TBX6: variants seen among roughly 807,000 people sequenced by gnomAD.
TBX6 encodes the protein T-box transcription factor TBX6.
Under a neutral mutation model 42.3 loss-of-function variants are expected in TBX6, and 29 were observed. The ratio of observed to expected loss-of-function variants is 0.69; its 90% confidence interval spans 0.51 to 0.93. The LOEUF (loss-of-function observed/expected upper bound fraction) is 0.93, where lower values mean the gene tolerates loss of function less well. Ranked by LOEUF, TBX6 falls within the 40% of genes least tolerant of loss-of-function variation. The pLI is 0.00. For synonymous variants in TBX6, 249 were observed against 245.1 expected (o/e 1.02, Z -0.15); for missense variants, 569 against 603.3 (o/e 0.94, Z 0.59).
Position 30,086,995 on chromosome 16 carries a change from A to C in TBX6, c.840-144T>G. On this transcript the variant is annotated intron_variant, in intron 6 of 8. Transcript: ENST00000395224. This position sits in a 1 kb window ranked among gnomAD's most constrained non-coding sequence, Gnocchi z 4.6. ...TTATACCCATTTTATAGATGAAGAAACTGAAGGCCAGAAAATTAAATAACT... is the reference window on the plus strand; with the variant it reads ...TTATACCCATTTTATAGATGAAGAACCTGAAGGCCAGAAAATTAAATAACT... 1 of 876,296 alleles carries C rather than the reference A, an allele frequency of 1.1e-6. No individual in the cohort carries two copies. The allele number at this position is 876,296 out of a possible 1,614,324, so 54.3% of individuals were successfully genotyped here. A position where few individuals can be genotyped will look rare whatever the true frequency, so the allele number is the denominator to read the frequency against.
Position 30,091,223 on chromosome 16 carries a change from CTGCTTAGGGCCCCCGG to C in TBX6, c.-46_-31del. 1 of 1,505,366 alleles carries C rather than the reference CTGCTTAGGGCCCCCGG, an allele frequency of 6.6e-7. No homozygotes were observed. The highest frequency in any genetic ancestry group is 2.3e-5 in the East Asian group (1 of 43,576). The allele number at this position is 1,505,366 out of a possible 1,614,324, so 93.3% of individuals were successfully genotyped here. On this transcript the variant is annotated splice_region_variant and 5_prime_UTR_variant, in exon 2 of 9. Coordinates refer to ENST00000395224, the MANE Select transcript of TBX6 (RefSeq NM_004608.4). ...TAGTTCCGTCTGGCCTCAGGTCTCG[CTGCTTAGGGCCCCCGG>C]TGCTGCGAGATGCCCCCTTTATAGC...
intron 1 of TBX6, 133 bp from the exon 2 acceptor site, chr16:30,091,374 G>T: frequency 1.7e-6 from 1 of 580,698 alleles, no homozygotes; most frequent in Non-Finnish European, 3.0e-6. Flanking sequence ...CCGAGAGGGG[G>T]TCGGATACCT....
At chr16:30,087,004 C>G in intron 6 of TBX6, 153 bp from the exon 7 acceptor site, 4 of 832,140 alleles carry the variant, frequency 4.8e-6, no homozygotes, top group Non-Finnish European at 7.3e-6. Context: ...AACTGAAGGC[C>G]AGAAAATTAA....
At chr16:30,089,291 A>G in intron 3 of TBX6, 81 bp from the exon 4 acceptor site, 2 of 1,523,694 alleles carry the variant, frequency 1.3e-6, no homozygotes, top group Non-Finnish European at 1.8e-6. Context: ...GGGACATAAC[A>G]ACGGGCTCCC....
chr16:30,091,137 G>T lies in TBX6; in HGVS notation c.57C>A (p.Pro19=). The T allele has an allele frequency of 6.3e-7, 1 of 1,594,086 alleles. No individual in the cohort carries two copies. The highest frequency in any genetic ancestry group is 2.3e-5 in the East Asian group (1 of 44,218). The change falls in exon 2 of 9, where the codon CCC becomes CCA. Residue 19 remains proline, a synonymous_variant. Transcript: ENST00000395224. ...PSLGAGYRLG[P]AQPGADSSFP... The stretch of plus-strand genomic sequence containing the variant: ...AGCTGGAGTCGGCCCCAGGTTGGGC[G>T]GGCCCCAGGCGGTAGCCGGCCCCCA...
intron 6 of TBX6, 161 bp from the exon 7 acceptor site, chr16:30,087,012 T>A: frequency 1.3e-6 from 1 of 778,442 alleles, no homozygotes; most frequent in South Asian, 1.8e-5. Context: ...GCCAGAAAAT[T>A]AAATAACTAG....
At chr16:30,090,328 C>A (rs912446731) in intron 3 of TBX6, among the ~76,000 whole-genome samples, 2 of 152,156 alleles carry the variant, frequency 1.3e-5, no homozygotes, top group Non-Finnish European at 2.9e-5. Flanking sequence ...TCTAGGGTGA[C>A]CCTGGACCTA....
At chr16:30,091,335 G>A in intron 1 of TBX6, 94 bp from the exon 2 acceptor site, 1 of 738,244 alleles carries the variant, frequency 1.4e-6, no homozygotes, top group Admixed American at 3.0e-5. Flanking sequence ...GTTGGGCTGG[G>A]GTGGAGACCC....
intron 3 of TBX6, among the ~76,000 whole-genome samples, chr16:30,089,451 T>C (rs1242960024): frequency 6.6e-6 from 1 of 151,496 alleles, no homozygotes; most frequent in East Asian, 1.9e-4. Flanking sequence ...CTGGGCAACA[T>C]AGAAAGACCC....
In TBX6 at chr16:30,088,648, C is replaced by T. The variant is rs577229010; in HGVS notation, c.769-33G>A. The T allele has an allele frequency of 1.1e-4, 177 of 1,614,060 alleles. 1 individual carries two copies. The South Asian group carries it at 1.4e-3, about 13-fold the overall frequency. On this transcript the variant is annotated intron_variant, in intron 5 of 8. Transcript: ENST00000395224. This position sits in a 1 kb window ranked among gnomAD's most constrained non-coding sequence, Gnocchi z 4.1. Reference sequence around the variant, plus strand: ...CACACATGCAGGGTCAAAGCAACTGCGGTCTGGGCAGGGGGCCACCACCCC... The same window carrying T: ...CACACATGCAGGGTCAAAGCAACTGTGGTCTGGGCAGGGGGCCACCACCCC...
rs537366325 is a variant in TBX6 at position 30,091,077 on chromosome 16, G to C, written c.117C>G (p.Pro39=). 7 of 1,584,422 alleles carry C rather than the reference G, an allele frequency of 4.4e-6. No individual in the cohort carries two copies. The highest frequency in any genetic ancestry group is 3.7e-5 in the Admixed American group (2 of 53,736). The part of the protein sequence containing the change: ...PPALAEGYRY[P]ELDTPKLDCF... ...CCAGGAGCTGGTCCCAACGCTCACC[G>C]GGGTAGCGGTAGCCCTCCGCTAGGG... is the stretch of plus-strand genomic sequence containing the variant. Residue 39 remains proline (P), a splice_region_variant and synonymous_variant, in exon 2 of 9, where the codon CCC becomes CCG. Coordinates refer to ENST00000395224, the MANE Select transcript of TBX6 (RefSeq NM_004608.4).
At chr16:30,087,048 C>T (rs933205016) in intron 6 of TBX6, among the ~76,000 whole-genome samples, 197 bp from the exon 7 acceptor site, 9 of 152,052 alleles carry the variant, frequency 5.9e-5, no homozygotes, top group African/African-American at 2.2e-4. Flanking sequence ...GAATTTTGTC[C>T]CTGCTCAAAT....
chr16:30,086,827 C>T lies in TBX6; in HGVS notation c.864G>A (p.Arg288=), dbSNP rs745355247. Residue 288 remains arginine, a synonymous_variant, in exon 7 of 9, where the codon AGG becomes AGA. Transcript: ENST00000395224. This position sits in a 1 kb window ranked among gnomAD's most constrained non-coding sequence, Gnocchi z 4.6. ...CTGCTGGCTCTGGGCCCCGCAGTTT[C>T]CTCTTCACACGGGCGTCTCGCTCCC... The part of the protein sequence containing the change: ...CKRERDARVK[R]KLRGPEPAAT... 9.6e-5 allele frequency: 155 copies of T among 1,613,392 alleles called. 1 individual carries two copies. The highest frequency in any genetic ancestry group is 1.2e-4 in the Non-Finnish European group (147 of 1,179,798).
chr16:30,086,463 A>G lies in TBX6; in HGVS notation c.1098-25T>C, dbSNP rs1174413611. 6 of 1,492,140 alleles carry G rather than the reference A, an allele frequency of 4.0e-6. No individual in the cohort carries two copies. The highest frequency in any genetic ancestry group is 1.4e-5 in the African/African-American group (1 of 70,262). 92.4% of individuals were successfully genotyped at this position (1,492,140 alleles called of 1,614,324 possible). A position where few individuals can be genotyped will look rare whatever the true frequency, so the allele number is the denominator to read the frequency against. ...CCTGACATGGAGAGAGGGATGTCAG[A>G]GCAGGGCAGAGGGACCCGCAGCCCC... On this transcript the variant is annotated intron_variant, in intron 8 of 8. Transcript: ENST00000395224. This position sits in a 1 kb window ranked among gnomAD's most constrained non-coding sequence, Gnocchi z 4.6.
chr16:30,089,338 A>G (rs1031987485), intron 3 of TBX6, 128 bp from the exon 4 acceptor site: 5 of 1,259,242 alleles, frequency 4.0e-6, no homozygotes, highest in Non-Finnish European at 5.4e-6. Flanking sequence ...AGGTGGAATT[A>G]GAACCCAGAG....
intron 3 of TBX6, among the ~76,000 whole-genome samples, chr16:30,089,814 C>A (rs2072694321): frequency 2.0e-5 from 3 of 151,696 alleles, no homozygotes; most frequent in Non-Finnish European, 2.9e-5. Flanking sequence ...CCTATAGTCC[C>A]AGCTACTCGG....
intron 3 of TBX6, among the ~76,000 whole-genome samples, chr16:30,090,183 C>A (rs1169644942): frequency 1.3e-5 from 2 of 152,152 alleles, no homozygotes; most frequent in Non-Finnish European, 2.9e-5. Context: ...CCAGAATCTG[C>A]AGCTCTTAGA....
rs112565029 is a variant in TBX6 at position 30,091,070 on chromosome 16, G to A, written c.118+6C>T. On this transcript the variant is annotated splice_donor_region_variant and intron_variant, in intron 2 of 8. Transcript: ENST00000395224. ...CTCCTACCCAGGAGCTGGTCCCAACGCTCACCGGGGTAGCGGTAGCCCTCC... is the reference window on the plus strand; with the variant it reads ...CTCCTACCCAGGAGCTGGTCCCAACACTCACCGGGGTAGCGGTAGCCCTCC... 0.029 allele frequency: 45,496 copies of A among 1,584,626 alleles called. 780 individuals are homozygous for A. The highest frequency in any genetic ancestry group is 0.034 in the Non-Finnish European group (39,790 of 1,165,528).
At chr16:30,091,037 C>T (rs751148506) in intron 2 of TBX6, 39 bp downstream of exon 2, 1 of 1,593,590 alleles carries the variant, frequency 6.3e-7, no homozygotes, top group East Asian at 2.3e-5. Context: ...GGCCACAGCC[C>T]CCCTATTCTC....
Sources: gnomAD v4.1 joint callset for allele counts (sites outside exome capture counted in the v4.1 genomes callset) on GRCh38, gnomAD v4.1.1 for gene constraint, Gnocchi (gnomAD v3.1) non-coding constraint, MANE v1.5 for transcripts, NCBI Gene and HGNC (gene_info 2026-07-23, HGNC 2026-07-21) for gene names.